The following RPS6KA2 variants were observed in gnomAD, a reference collection of about 807,000 sequenced individuals.
The protein encoded by RPS6KA2 is ribosomal protein S6 kinase A2.
Under a neutral mutation model 91.8 loss-of-function variants are expected in RPS6KA2, and 42 were observed. The observed-to-expected ratio is 0.46, with a 90% CI of 0.36 to 0.59. The LOEUF (loss-of-function observed/expected upper bound fraction) is 0.59. Among genes scored for constraint, RPS6KA2 ranks in the 20% least tolerant of loss-of-function variants. RPS6KA2 has a pLI of 0.00. For missense variants in RPS6KA2, 798 were observed against 978.5 expected (o/e 0.82, Z 2.46); for synonymous variants, 414 against 393.6 (o/e 1.05, Z -0.61).
In RPS6KA2 at chr6:166,423,905, A is replaced by T. The variant is rs1308825805; in HGVS notation, c.1582-488T>A. 6.5e-6 allele frequency: 1 copy of T among 153,140 alleles called. No homozygotes were observed. The highest frequency in any genetic ancestry group is 2.4e-5 in the African/African-American group (1 of 41,480). 9.5% of individuals were successfully genotyped at this position (153,140 alleles called of 1,614,324 possible). A position where few individuals can be genotyped will look rare whatever the true frequency, so the allele number is the denominator to read the frequency against. ...GTGCAGCAACTCGTTGGGGAGACGG[A>T]CCAGGGCCACGCGATCATGCAGTCA... On this transcript the variant is annotated intron_variant, in intron 16 of 20. Transcript: ENST00000265678. The surrounding 1 kb of genome is among the most constrained non-coding windows in gnomAD (Gnocchi z 4.8).
intron 2 of RPS6KA2, among the ~76,000 whole-genome samples, chr6:166,764,161 T>G (rs1778244555): frequency 6.6e-6 from 1 of 151,432 alleles, no homozygotes; most frequent in Admixed American, 6.6e-5. Context: ...GGGGAGGGCG[T>G]GAGTGAGAGG....
intron 2 of RPS6KA2, among the ~76,000 whole-genome samples, chr6:166,693,743 T>G (rs1789279734): frequency 6.6e-6 from 1 of 152,224 alleles, no homozygotes; most frequent in Non-Finnish European, 1.5e-5. Context: ...ACTAGGTTTT[T>G]GTCCTGGGCT....
At chr6:166,855,468 GGAAGAGGAAGAAGAA>G (rs1780872552) in intron 2 of RPS6KA2, among the ~76,000 whole-genome samples, 1 of 120,102 alleles carries the variant, frequency 8.3e-6, no homozygotes, top group Non-Finnish European at 1.8e-5. Context: ...AAGAGGAAGA[GGAAGAGGAAGAAGAA>G]GAAGAGGAAG....
intron 1 of RPS6KA2, among the ~76,000 whole-genome samples, chr6:166,609,450 TATATC>T (rs1786080185): frequency 6.6e-6 from 1 of 152,152 alleles, no homozygotes; most frequent in Non-Finnish European, 1.5e-5. Context: ...GTTTGGTACT[TATATC>T]AATGACTCAG....
At chr6:166,549,485 A>G (rs1583269265) in intron 1 of RPS6KA2, among the ~76,000 whole-genome samples, 1 of 152,246 alleles carries the variant, frequency 6.6e-6, no homozygotes, top group East Asian at 1.9e-4. Flanking sequence ...AAAGGAACAA[A>G]CTACTGTTAG....
chr6:166,468,706 A>G (rs1352547715), intron 11 of RPS6KA2, among the ~76,000 whole-genome samples: 1 of 151,996 alleles, frequency 6.6e-6, no homozygotes, highest in Non-Finnish European at 1.5e-5. Flanking sequence ...TACTAAAAAT[A>G]TAAAAAAAAT....
intron 1 of RPS6KA2, among the ~76,000 whole-genome samples, chr6:166,619,232 C>T (rs555331243): frequency 5.3e-5 from 8 of 152,326 alleles, no homozygotes; most frequent in African/African-American, 1.9e-4. Flanking sequence ...TGCTGTGTCT[C>T]GGGTTCTCTG....
At chr6:166,596,488 T>C (rs1236385078) in intron 1 of RPS6KA2, among the ~76,000 whole-genome samples, 1 of 152,194 alleles carries the variant, frequency 6.6e-6, no homozygotes, top group Non-Finnish European at 1.5e-5. Flanking sequence ...ATCTTTCTCC[T>C]GTACTAGATG....
At chr6:166,811,553 G>T (rs984823703) in intron 2 of RPS6KA2, among the ~76,000 whole-genome samples, 2 of 152,184 alleles carry the variant, frequency 1.3e-5, no homozygotes, top group Non-Finnish European at 2.9e-5. Context: ...GAGCCCAGGA[G>T]TTCAAGGCCA....
At chr6:166,455,368 C>T (rs12209440) in intron 12 of RPS6KA2, among the ~76,000 whole-genome samples, 17,203 of 152,124 alleles carry the variant, frequency 0.11, 1,250 homozygotes, top group Non-Finnish European at 0.17. Context: ...AGATGGACGA[C>T]GCAGCGTCCC....
intron 10 of RPS6KA2, among the ~76,000 whole-genome samples, chr6:166,471,847 T>TC (rs1780781808): frequency 6.6e-6 from 1 of 152,174 alleles, no homozygotes; most frequent in Admixed American, 6.5e-5. Context: ...CCCCTCCGGG[T>TC]CCCCAGTCTA....
Position 166,730,708 on chromosome 6 carries a change from A to G in RPS6KA2, c.123+127492T>C, listed in dbSNP as rs555850728. ...TTTCATGAAAAAGACTCTAATAAAT[A>G]TAGGTACAAAAAGAGAAAAAAATAG... On this transcript the variant is annotated intron_variant, in intron 2 of 21. Coordinates refer to the RPS6KA2 transcript ENST00000503859. Among the ~76,000 whole-genome samples the G allele has an allele frequency of 1.9e-4, 29 of 152,358 alleles. No homozygotes were observed. In the South Asian group the frequency reaches 6.0e-3, roughly 32 times the overall value.
rs747250579 is a variant in RPS6KA2, at chr6:166,849,333, T to C, written c.123+8867A>G. 3.3e-5 allele frequency among the ~76,000 whole-genome samples: 5 copies of C among 152,218 alleles called. No homozygotes were observed. Among genetic ancestry groups the C allele is most frequent in the Non-Finnish European group, 7.3e-5 (5 of 68,036 alleles). ...TCCCTGTCACCCTATTTCTGCACAG[T>C]ACTTACCCCCGTGTGAAACCATCTT... is the stretch of plus-strand genomic sequence containing the variant. On this transcript the variant is annotated intron_variant, in intron 2 of 21. Coordinates refer to the RPS6KA2 transcript ENST00000503859. The surrounding 1 kb of genome is among the most constrained non-coding windows in gnomAD (Gnocchi z 4.9).
chr6:166,715,589 A>C (rs1019615093), intron 2 of RPS6KA2, among the ~76,000 whole-genome samples: 10 of 152,268 alleles, frequency 6.6e-5, no homozygotes, highest in African/African-American at 2.4e-4. Flanking sequence ...GAAAGGCGTC[A>C]TTAGGTGATT....
chr6:166,834,969 C>T (rs76800959), intron 2 of RPS6KA2, among the ~76,000 whole-genome samples: 7,033 of 152,124 alleles, frequency 0.046, 568 homozygotes, highest in East Asian at 0.39. Flanking sequence ...AGGTCAATGG[C>T]CCATTTTTAG....
intron 10 of RPS6KA2, among the ~76,000 whole-genome samples, chr6:166,481,688 G>T (rs1459515495): frequency 6.6e-6 from 1 of 151,726 alleles, no homozygotes; most frequent in African/African-American, 2.4e-5. Flanking sequence ...AGTATGTGCT[G>T]CAGCGCGGAG....
In RPS6KA2 at chr6:166,778,812, G is replaced by A. The variant is rs183332938; in HGVS notation, c.123+79388C>T. On this transcript the variant is annotated intron_variant, in intron 2 of 21. Transcript: ENST00000503859. ...ATTAACTCATGTGTTAATAAGATGC[G>A]TCCACTCCTGTCAGAGAGTGAGCTC... Among the ~76,000 whole-genome samples the A allele has an allele frequency of 1.5e-3, 223 of 152,248 alleles. 2 individuals carry two copies. Among genetic ancestry groups the A allele is most frequent in the Middle Eastern group, 3.4e-3 (1 of 294 alleles).
At position 166,775,047 on chromosome 6, in the gene RPS6KA2, T is replaced by C. The variant is rs1218077675; in HGVS notation, c.123+83153A>G. 4.6e-5 allele frequency among the ~76,000 whole-genome samples: 7 copies of C among 152,134 alleles called. No homozygotes were observed. The South Asian group carries it at 1.2e-3, about 27-fold the overall frequency. On this transcript the variant is annotated intron_variant, in intron 2 of 21. Transcript: ENST00000503859. ...CAGCCTGCACCTGCGCTCAGCATCA[T>C]CAGAGTTCCGTTTCTTATACTTAAT... is the stretch of plus-strand genomic sequence containing the variant.
intron 2 of RPS6KA2, among the ~76,000 whole-genome samples, chr6:166,843,286 T>C (rs1307632510): frequency 1.3e-5 from 2 of 152,184 alleles, no homozygotes; most frequent in Admixed American, 6.5e-5. Context: ...GGTCTTTCTC[T>C]ACCTGCCTTG....
Sources: allele counts gnomAD v4.1 joint callset (sites outside exome capture counted in the v4.1 genomes callset), GRCh38; gene constraint gnomAD v4.1.1; non-coding constraint Gnocchi (gnomAD v3.1); transcripts MANE v1.5; gene names NCBI Gene and HGNC (gene_info 2026-07-23, HGNC 2026-07-21).